RALGAPA2: variants seen among roughly 807,000 people sequenced by gnomAD.
The protein encoded by RALGAPA2 is Ral GTPase activating protein catalytic subunit alpha 2, also known as ral GTPase-activating protein subunit alpha-2.
In RALGAPA2, 139 loss-of-function variants were observed where a neutral mutation model predicts 230.4. The observed-to-expected ratio is 0.60, with a 90% CI of 0.53 to 0.69. RALGAPA2 has a LOEUF of 0.69. RALGAPA2 is among the 30% of genes least tolerant of loss of function. The pLI is 0.00. For missense variants in RALGAPA2, 2,163 were observed against 2,276.0 expected (o/e 0.95, Z 1.01); for synonymous variants, 847 against 837.8 (o/e 1.01, Z -0.19).
chr20:20,441,345 T>C (rs2060734519), intron 37 of RALGAPA2, among the ~76,000 whole-genome samples: 1 of 152,232 alleles, frequency 6.6e-6, no homozygotes, highest in South Asian at 2.1e-4. Context: ...GTTAGGGAAC[T>C]GCTGCCAATG....
At chr20:20,616,476 G>A (rs1479042700) in intron 12 of RALGAPA2, among the ~76,000 whole-genome samples, 1 of 152,096 alleles carries the variant, frequency 6.6e-6, no homozygotes, top group Non-Finnish European at 1.5e-5. Context: ...TTATGAGTCA[G>A]AAAAGCTTTT....
chr20:20,415,935 C>T (rs2060155505), intron 37 of RALGAPA2, among the ~76,000 whole-genome samples: 2 of 152,130 alleles, frequency 1.3e-5, no homozygotes, highest in African/African-American at 4.8e-5. Context: ...TTAGAAATGA[C>T]AGTAGCAGCA....
At chr20:20,502,776 T>G (rs1435199961) in intron 35 of RALGAPA2, among the ~76,000 whole-genome samples, 1 of 152,214 alleles carries the variant, frequency 6.6e-6, no homozygotes, top group Non-Finnish European at 1.5e-5. Flanking sequence ...GAAGCAGATC[T>G]GATTAGAGGC....
intron 38 of RALGAPA2, among the ~76,000 whole-genome samples, chr20:20,408,253 G>A (rs916619922): frequency 1.3e-5 from 2 of 152,188 alleles, no homozygotes; most frequent in Admixed American, 6.5e-5. Flanking sequence ...AAAGGCACTT[G>A]GAAATTCTTA....
At chr20:20,616,941 T>A (rs952167560) in intron 12 of RALGAPA2, among the ~76,000 whole-genome samples, 2 of 152,210 alleles carry the variant, frequency 1.3e-5, no homozygotes, top group African/African-American at 2.4e-5. Context: ...ATCAGGGGTA[T>A]CTCAGCAGAA....
At chr20:20,426,138 T>C (rs908418718) in intron 37 of RALGAPA2, among the ~76,000 whole-genome samples, 2 of 152,222 alleles carry the variant, frequency 1.3e-5, no homozygotes, top group African/African-American at 4.8e-5. Flanking sequence ...GAAAGTAGTT[T>C]TGAGCAGCCA....
chr20:20,524,747 C>A, intron 29 of RALGAPA2, 83 bp downstream of exon 29: 1 of 1,338,320 alleles, frequency 7.5e-7, no homozygotes, highest in Non-Finnish European at 1.0e-6. Flanking sequence ...CAAAGGATAT[C>A]ACTAGTTGTA....
intron 27 of RALGAPA2, among the ~76,000 whole-genome samples, chr20:20,529,384 T>C (rs2063311356): frequency 1.3e-5 from 2 of 152,176 alleles, no homozygotes; most frequent in Admixed American, 6.5e-5. Context: ...GTGTCTTATA[T>C]TTTCCCCCAT....
intron 4 of RALGAPA2, among the ~76,000 whole-genome samples, chr20:20,647,790 A>T (rs2067266181): frequency 6.6e-6 from 1 of 152,220 alleles, no homozygotes; most frequent in Admixed American, 6.5e-5. Context: ...AGCACATAAA[A>T]AGATGCTTAA....
rs1195180926 is a variant in RALGAPA2, at chr20:20,669,551, T to C, written c.270+6685A>G. On this transcript the variant is annotated intron_variant, in intron 3 of 39. Transcript: ENST00000202677. The stretch of plus-strand genomic sequence containing the variant: ...GTGCTGGACAACCAGGAGCTACCCC[T>C]ACAGCCCTGTCAGCTGAAATTATTC... 3.9e-5 allele frequency among the ~76,000 whole-genome samples: 6 copies of C among 152,324 alleles called. No homozygotes were observed. In the East Asian group the frequency reaches 1.2e-3, roughly 29 times the overall value.
intron 37 of RALGAPA2, among the ~76,000 whole-genome samples, chr20:20,457,204 G>A (rs1569416146): frequency 1.3e-5 from 2 of 152,158 alleles, no homozygotes; most frequent in African/African-American, 2.4e-5. Flanking sequence ...GAGAGGGAGC[G>A]AGGGGCTGGC....
chr20:20,660,163 G>A (rs2067724054), intron 3 of RALGAPA2, among the ~76,000 whole-genome samples: 1 of 152,012 alleles, frequency 6.6e-6, no homozygotes, highest in African/African-American at 2.4e-5. Flanking sequence ...GGGAGGCGGA[G>A]GTTGCGGTAA....
intron 23 of RALGAPA2, among the ~76,000 whole-genome samples, chr20:20,564,379 T>C (rs540221807): frequency 6.8e-4 from 104 of 152,200 alleles, no homozygotes; most frequent in Non-Finnish European, 1.2e-3. Flanking sequence ...TCAAATCAAC[T>C]TAGCTAAAAG....
At chr20:20,692,639 C>A (rs1265194763) in intron 1 of RALGAPA2, among the ~76,000 whole-genome samples, 1 of 152,214 alleles carries the variant, frequency 6.6e-6, no homozygotes, top group East Asian at 1.9e-4. Context: ...TACAAAACAA[C>A]AGAAAGTCTG....
intron 38 of RALGAPA2, among the ~76,000 whole-genome samples, chr20:20,400,383 G>C (rs1026053814): frequency 6.6e-6 from 1 of 152,150 alleles, no homozygotes; most frequent in Non-Finnish European, 1.5e-5. Context: ...AGGAAGGGAG[G>C]GAGGAAGGGA....
intron 37 of RALGAPA2, among the ~76,000 whole-genome samples, chr20:20,442,720 G>A (rs1163654043): frequency 6.6e-6 from 1 of 152,166 alleles, no homozygotes; most frequent in Non-Finnish European, 1.5e-5. Flanking sequence ...CCAGCACAAA[G>A]GTATTAGAAT....
chr20:20,669,042 T>G (rs1351894459), intron 3 of RALGAPA2, among the ~76,000 whole-genome samples: 1 of 152,146 alleles, frequency 6.6e-6, no homozygotes, highest in East Asian at 1.9e-4. Flanking sequence ...TAAATAAAAT[T>G]TAGAATAAAG....
chr20:20,590,219 C>T (rs1263405166), intron 17 of RALGAPA2, among the ~76,000 whole-genome samples: 5 of 152,018 alleles, frequency 3.3e-5, no homozygotes, highest in Admixed American at 6.5e-5. Flanking sequence ...CTTATTCCTC[C>T]TCCATAAGTG....
In RALGAPA2 at chr20:20,696,236, T is replaced by G. The variant is rs2069108905; in HGVS notation, c.107-15435A>C. Among the ~76,000 whole-genome samples the G allele has an allele frequency of 2.6e-5, 4 of 152,188 alleles. No individual in the cohort carries two copies. In the South Asian group the frequency reaches 8.3e-4, roughly 32 times the overall value. ...CATCTTCCTTAACACCTTTGCTTGC[T>G]ACAGATTCCACAGCCACTCATTCCT... On this transcript the variant is annotated intron_variant, in intron 1 of 39. Transcript: ENST00000202677.
Sources: allele counts gnomAD v4.1 joint callset (sites outside exome capture counted in the v4.1 genomes callset), GRCh38; gene constraint gnomAD v4.1.1; transcripts MANE v1.5; gene names NCBI Gene and HGNC (gene_info 2026-07-23, HGNC 2026-07-21).